CPHXL2: variants seen among roughly 807,000 people sequenced by gnomAD.
CPHXL2 encodes the protein cytoplasmic polyadenylated homeobox like 2.
chr16:75,669,757 G>C, the CPHXL2 span, among the ~76,000 whole-genome samples: 1 of 152,286 alleles, frequency 6.6e-6, no homozygotes, highest in African/African-American at 2.4e-5. Context: ...CCAGCCAGTT[G>C]CGTTTTTGTA....
At chr16:75,668,678 G>C in the CPHXL2 span, among the ~76,000 whole-genome samples, 2 of 152,070 alleles carry the variant, frequency 1.3e-5, no homozygotes, top group Admixed American at 6.5e-5. Flanking sequence ...ACCATCTCTA[G>C]ATTACTTACA....
the CPHXL2 span, among the ~76,000 whole-genome samples, chr16:75,666,254 C>G: frequency 2.6e-5 from 4 of 151,854 alleles, no homozygotes. Flanking sequence ...ATATATGCAC[C>G]TAAAGCTGGA....
the CPHXL2 span, among the ~76,000 whole-genome samples, chr16:75,663,112 T>G: frequency 6.6e-6 from 1 of 152,154 alleles, no homozygotes. Context: ...TGGGAGGTAA[T>G]TCTTATAGTT....
the CPHXL2 span, among the ~76,000 whole-genome samples, chr16:75,676,513 G>T: frequency 2.0e-5 from 3 of 152,050 alleles, no homozygotes; most frequent in South Asian, 6.2e-4. Flanking sequence ...GTAGAAATAG[G>T]GTCTTGCTAT....
chr16:75,673,201 C>A, the CPHXL2 span, among the ~76,000 whole-genome samples: 1 of 151,654 alleles, frequency 6.6e-6, no homozygotes, highest in Admixed American at 6.6e-5. Flanking sequence ...TTGGGAGGAC[C>A]AGGCGGGCAG....
At chr16:75,664,147 T>A in the CPHXL2 span, among the ~76,000 whole-genome samples, 1 of 152,184 alleles carries the variant, frequency 6.6e-6, no homozygotes, top group Non-Finnish European at 1.5e-5. Context: ...ACCCAAGCAA[T>A]GTACATCTTA....
the CPHXL2 span, among the ~76,000 whole-genome samples, chr16:75,673,177 G>A: frequency 6.6e-6 from 1 of 151,356 alleles, no homozygotes; most frequent in South Asian, 2.1e-4. Flanking sequence ...GCGCATGCCT[G>A]TAATCCCAGC....
chr16:75,672,695 G>T, the CPHXL2 span, among the ~76,000 whole-genome samples: 1 of 152,036 alleles, frequency 6.6e-6, no homozygotes, highest in Non-Finnish European at 1.5e-5. Flanking sequence ...ATGTTGACCA[G>T]GCTGGTTTTG....
At chr16:75,673,206 G>T in the CPHXL2 span, among the ~76,000 whole-genome samples, 2 of 151,666 alleles carry the variant, frequency 1.3e-5, no homozygotes, top group African/African-American at 4.8e-5. Flanking sequence ...AGGACCAGGC[G>T]GGCAGATCAC....
the CPHXL2 span, among the ~76,000 whole-genome samples, chr16:75,675,005 A>G: frequency 6.6e-6 from 1 of 151,410 alleles, no homozygotes; most frequent in Non-Finnish European, 1.5e-5. Flanking sequence ...CCTGGCCAAT[A>G]TGGTGAAACC....
the CPHXL2 span, among the ~76,000 whole-genome samples, chr16:75,676,080 CAA>C: frequency 6.9e-6 from 1 of 143,966 alleles, no homozygotes; most frequent in Non-Finnish European, 1.5e-5. Context: ...ACTCCGTCTC[CAA>C]AAAAAAAAAG....
chr16:75,675,976 G>A, the CPHXL2 span, among the ~76,000 whole-genome samples: 1 of 152,106 alleles, frequency 6.6e-6, no homozygotes, highest in Non-Finnish European at 1.5e-5. Flanking sequence ...CTACTTGGGA[G>A]GCTGAGGCAG....
the CPHXL2 span, among the ~76,000 whole-genome samples, chr16:75,664,058 CAACT>C: frequency 1.3e-5 from 2 of 152,178 alleles, no homozygotes; most frequent in African/African-American, 4.8e-5. Flanking sequence ...AAAACTCTTT[CAACT>C]AACTACCAAT....
the CPHXL2 span, among the ~76,000 whole-genome samples, chr16:75,670,292 C>G: frequency 6.6e-6 from 1 of 152,068 alleles, no homozygotes; most frequent in African/African-American, 2.4e-5. Context: ...ACAGGAAAAA[C>G]TGATCTATAC....
chr16:75,673,945 A>G, the CPHXL2 span, among the ~76,000 whole-genome samples: 1 of 149,768 alleles, frequency 6.7e-6, no homozygotes, highest in Admixed American at 6.8e-5. Flanking sequence ...GTGCCACTGC[A>G]CTCCAGCCTG....
chr16:75,667,696 AAATTTGTATCT>A, the CPHXL2 span, among the ~76,000 whole-genome samples: 1 of 152,356 alleles, frequency 6.6e-6, no homozygotes, highest in East Asian at 1.9e-4. Flanking sequence ...GGCAATTTTC[AAATTTGTATCT>A]TCTACTAAGT....
the CPHXL2 span, among the ~76,000 whole-genome samples, chr16:75,670,899 C>T: frequency 7.2e-5 from 11 of 152,244 alleles, no homozygotes; most frequent in Non-Finnish European, 1.5e-4. Context: ...CTCAGTGCCC[C>T]GCAGCTATGT....
chr16:75,670,515 ATTTG>A, the CPHXL2 span, among the ~76,000 whole-genome samples: 3 of 152,042 alleles, frequency 2.0e-5, no homozygotes, highest in South Asian at 2.1e-4. Flanking sequence ...AAGTTTATTG[ATTTG>A]TTTATTTTTG....
the CPHXL2 span, among the ~76,000 whole-genome samples, chr16:75,662,165 T>C: frequency 1.3e-5 from 2 of 152,152 alleles, no homozygotes; most frequent in East Asian, 1.9e-4. Flanking sequence ...GAATCACATA[T>C]GTTTGCCAGT....
Sources: gnomAD v4.1 joint callset for allele counts (sites outside exome capture counted in the v4.1 genomes callset) on GRCh38, gnomAD v4.1.1 for gene constraint, MANE v1.5 for transcripts, NCBI Gene and HGNC (gene_info 2026-07-23, HGNC 2026-07-21) for gene names.